The following COL21A1 variants were observed in gnomAD, a reference collection of about 807,000 sequenced individuals.
COL21A1 encodes the protein collagen type XXI alpha 1 chain.
Under a neutral mutation model 137.9 loss-of-function variants are expected in COL21A1, and 149 were observed. The observed-to-expected ratio is 1.08, with a 90% CI of 0.95 to 1.24. The LOEUF is 1.24. Ranked by LOEUF, COL21A1 falls within the 50% of genes most tolerant of loss-of-function variation. The probability of loss-of-function intolerance (pLI) is 0.00; values close to 1 mark genes in which losing one functional copy is unlikely to be tolerated. For missense variants in COL21A1, 1,167 were observed against 1,158.4 expected (o/e 1.01, Z -0.11); for synonymous variants, 456 against 391.5 (o/e 1.16, Z -1.95).
intron 9 of COL21A1, among the ~76,000 whole-genome samples, chr6:56,159,367 C>T: frequency 7.1e-6 from 1 of 141,520 alleles, no homozygotes; most frequent in Admixed American, 7.3e-5. Context: ...GAGTCTTGCT[C>T]CGTCACCCAG....
intron 10 of COL21A1, among the ~76,000 whole-genome samples, chr6:56,154,063 G>A (rs188805478): frequency 8.9e-4 from 136 of 152,184 alleles, no homozygotes; most frequent in Non-Finnish European, 3.2e-4. Context: ...AATTACTATT[G>A]TAACAGTAAT....
chr6:56,339,881 G>GA (rs1288326230), intron 1 of COL21A1, among the ~76,000 whole-genome samples: 1 of 151,940 alleles, frequency 6.6e-6, no homozygotes, highest in African/African-American at 2.4e-5. Flanking sequence ...GAGAATACCG[G>GA]AAAAAATATA....
At position 56,384,774 on chromosome 6, in the gene COL21A1, C is replaced by T. The variant is rs545801349; in HGVS notation, c.-39+9197G>A. Among the ~76,000 whole-genome samples, 5 of 152,262 alleles carry T rather than the reference C, an allele frequency of 3.3e-5. No homozygotes were observed. The South Asian group carries it at 1.0e-3, about 32-fold the overall frequency. On this transcript the variant is annotated intron_variant, in intron 1 of 28. Transcript: ENST00000370819. ...CACTTCTGCTAATAACACTTATAAG[C>T]CACTTTTCCTCTGTGGACTAAATTC...
intron 1 of COL21A1, among the ~76,000 whole-genome samples, chr6:56,321,588 G>C (rs1214355272): frequency 6.6e-6 from 1 of 152,084 alleles, no homozygotes; most frequent in African/African-American, 2.4e-5. Flanking sequence ...TTTCTTATTT[G>C]AGTTCAAATT....
intron 16 of COL21A1, among the ~76,000 whole-genome samples, chr6:56,116,466 A>G (rs894360981): frequency 1.3e-5 from 2 of 151,548 alleles, no homozygotes; most frequent in African/African-American, 2.4e-5. Context: ...ATCCTTCAAC[A>G]TGAAGGAGAA....
chr6:56,335,931 T>C (rs1300142454), intron 1 of COL21A1, among the ~76,000 whole-genome samples: 1 of 152,204 alleles, frequency 6.6e-6, no homozygotes, highest in African/African-American at 2.4e-5. Flanking sequence ...TCTGGGGGAC[T>C]CTCTGCTATT....
At position 56,171,427 on chromosome 6, in the gene COL21A1, C is replaced by G. The variant is rs1379785895; in HGVS notation, c.641-299G>C. On this transcript the variant is annotated intron_variant, in intron 3 of 29. Transcript: ENST00000244728. Reference sequence around the variant, plus strand: ...TATTGTCTTTAGCAAAAAATTGAGACAATAGCAATATGAGACAATATAACA... The same window carrying G: ...TATTGTCTTTAGCAAAAAATTGAGAGAATAGCAATATGAGACAATATAACA... Among the ~76,000 whole-genome samples the G allele has an allele frequency of 2.6e-5, 4 of 151,650 alleles. No individual in the cohort carries two copies. The East Asian group carries it at 7.7e-4, about 29-fold the overall frequency.
intron 2 of COL21A1, among the ~76,000 whole-genome samples, chr6:56,181,066 C>T (rs1303512156): frequency 6.6e-6 from 1 of 152,190 alleles, no homozygotes; most frequent in Non-Finnish European, 1.5e-5. Context: ...GTTGCCATCC[C>T]CTCCTAAATT....
At chr6:56,065,800 A>G (rs1335565775) in intron 23 of COL21A1, among the ~76,000 whole-genome samples, 2 of 152,004 alleles carry the variant, frequency 1.3e-5, no homozygotes, top group Admixed American at 1.3e-4. Flanking sequence ...CTTTATCTTA[A>G]CATGTGTGGG....
At chr6:56,221,358 A>C (rs1780817535) in intron 1 of COL21A1, among the ~76,000 whole-genome samples, 1 of 152,184 alleles carries the variant, frequency 6.6e-6, no homozygotes, top group Admixed American at 6.6e-5. Context: ...GTTCCAAACT[A>C]GGAATCAGCC....
intron 12 of COL21A1, among the ~76,000 whole-genome samples, chr6:56,130,212 A>AT (rs1561898504): frequency 5.1e-3 from 97 of 19,128 alleles, no homozygotes; most frequent in African/African-American, 0.011. Context: ...TATATATATA[A>AT]AATTTCAAAT....
intron 1 of COL21A1, among the ~76,000 whole-genome samples, chr6:56,358,314 G>T (rs1765884120): frequency 6.6e-6 from 1 of 151,812 alleles, no homozygotes; most frequent in Non-Finnish European, 1.5e-5. Context: ...AGCAACATTT[G>T]AAGATAATCT....
intron 1 of COL21A1, among the ~76,000 whole-genome samples, chr6:56,272,311 C>T (rs1763547967): frequency 6.6e-6 from 1 of 152,146 alleles, no homozygotes; most frequent in Non-Finnish European, 1.5e-5. Context: ...TTAATGAGTG[C>T]CCTGCCAGGT....
At position 56,057,540 on chromosome 6, in the gene COL21A1, T is replaced by A. The variant is rs1247140846; in HGVS notation, c.*117A>T. ...ATTTTTTTCCATAAGAAAAAAAAAA[T>A]AAAAACACCGAGGTACTTAAGTTTC... On this transcript the variant is annotated 3_prime_UTR_variant, in exon 30 of 30. Coordinates refer to ENST00000244728, the MANE Select transcript of COL21A1 (RefSeq NM_030820.4). 13 of 935,322 alleles carry A rather than the reference T, an allele frequency of 1.4e-5. No individual in the cohort carries two copies. Among genetic ancestry groups the A allele is most frequent in the South Asian group, 3.1e-5 (2 of 63,886 alleles). The allele number at this position is 935,322 out of a possible 1,614,324, so 57.9% of individuals were successfully genotyped here.
intron 1 of COL21A1, among the ~76,000 whole-genome samples, chr6:56,325,338 TTATATATTATATATTA>T (rs1221375179): frequency 0.048 from 26 of 544 alleles, 12 homozygotes; most frequent in African/African-American, 0.05. Context: ...ATATTATATA[TTATATATTATATATTA>T]TATATATTAT....
chr6:56,306,956 C>T (rs550441922), intron 1 of COL21A1, among the ~76,000 whole-genome samples: 1 of 152,274 alleles, frequency 6.6e-6, no homozygotes, highest in East Asian at 1.9e-4. Context: ...GAACCCTTAG[C>T]TGCAGGTCTG....
chr6:56,356,926 G>T (rs1005078670), intron 1 of COL21A1, among the ~76,000 whole-genome samples: 2 of 152,068 alleles, frequency 1.3e-5, no homozygotes, highest in African/African-American at 4.8e-5. Flanking sequence ...CAAAACTAGA[G>T]GTCAGTTACA....
intron 3 of COL21A1, among the ~76,000 whole-genome samples, chr6:56,177,143 C>T (rs1777547989): frequency 6.6e-6 from 1 of 152,032 alleles, no homozygotes; most frequent in Non-Finnish European, 1.5e-5. Flanking sequence ...GTAGCTGCAG[C>T]AGCAGCACAA....
At chr6:56,265,065 C>G (rs1226858512) in intron 1 of COL21A1, among the ~76,000 whole-genome samples, 1 of 152,182 alleles carries the variant, frequency 6.6e-6, no homozygotes, top group East Asian at 1.9e-4. Flanking sequence ...ACATGGAGAT[C>G]TTTTGGATTT....
Sources: allele counts gnomAD v4.1 joint callset (sites outside exome capture counted in the v4.1 genomes callset), GRCh38; gene constraint gnomAD v4.1.1; transcripts MANE v1.5; gene names NCBI Gene and HGNC (gene_info 2026-07-23, HGNC 2026-07-21).